Variants in TRAPPC9 observed in about 807,000 individuals in gnomAD.
TRAPPC9 encodes IKK2 binding protein.
Under a neutral mutation model 124.0 loss-of-function variants are expected in TRAPPC9, and 83 were observed. The observed-to-expected ratio is 0.67, with a 90% CI of 0.56 to 0.80. The LOEUF is 0.80. TRAPPC9 is among the 30% of genes least tolerant of loss of function. TRAPPC9 has a pLI of 0.00. For synonymous variants in TRAPPC9, 638 were observed against 617.5 expected (o/e 1.03, Z -0.49); for missense variants, 1,302 against 1,508.3 (o/e 0.86, Z 2.27).
chr8:140,133,618 C>T (rs960551443), intron 17 of TRAPPC9, among the ~76,000 whole-genome samples: 1 of 152,118 alleles, frequency 6.6e-6, no homozygotes, highest in African/African-American at 2.4e-5. Context: ...AGAAGTAAAA[C>T]TCTCTGTATT....
intron 21 of TRAPPC9, among the ~76,000 whole-genome samples, chr8:139,823,615 A>G (rs1825408673): frequency 6.6e-6 from 1 of 152,132 alleles, no homozygotes; most frequent in Admixed American, 6.5e-5. Flanking sequence ...ATGCCCAGGA[A>G]GAGGGATGCA....
chr8:140,014,595 A>AGCT (rs1169726484), intron 18 of TRAPPC9, among the ~76,000 whole-genome samples: 1 of 152,158 alleles, frequency 6.6e-6, no homozygotes, highest in East Asian at 1.9e-4. Context: ...GCAGAGACCA[A>AGCT]GCTGCGGCAG....
chr8:140,033,990 T>C (rs1012203042), intron 17 of TRAPPC9, among the ~76,000 whole-genome samples: 1 of 152,190 alleles, frequency 6.6e-6, no homozygotes, highest in African/African-American at 2.4e-5. Flanking sequence ...CCCATTATGT[T>C]CTCTTATTAA....
chr8:140,254,009 C>G (rs763683864), intron 15 of TRAPPC9, among the ~76,000 whole-genome samples: 15 of 152,170 alleles, frequency 9.9e-5, no homozygotes, highest in Non-Finnish European at 1.9e-4. Flanking sequence ...CCTCAGGCAA[C>G]ACGGGAGGAA....
At chr8:140,338,831 G>A (rs1416756856) in intron 9 of TRAPPC9, among the ~76,000 whole-genome samples, 1 of 49,668 alleles carries the variant, frequency 2.0e-5, no homozygotes, top group South Asian at 7.6e-4. Flanking sequence ...GACAGGAAAC[G>A]GCTCAGAGAA....
intron 10 of TRAPPC9, among the ~76,000 whole-genome samples, chr8:140,305,922 G>T (rs1223100255): frequency 6.6e-6 from 1 of 152,232 alleles, no homozygotes; most frequent in Non-Finnish European, 1.5e-5. Flanking sequence ...CAGAATGCGG[G>T]ATAGGAATAC....
chr8:140,015,475 C>T lies in TRAPPC9; in HGVS notation c.2699+8462G>A, dbSNP rs546670824. Among the ~76,000 whole-genome samples the T allele has an allele frequency of 3.3e-5, 5 of 152,298 alleles. No individual in the cohort carries two copies. The East Asian group carries it at 9.6e-4, about 29-fold the overall frequency. Reference sequence around the variant, plus strand: ...AAAGGCCAAGAGCCGAAAATGCATACTAATTCTGTTGTGTTCCAGGCCTTG... The same window carrying T: ...AAAGGCCAAGAGCCGAAAATGCATATTAATTCTGTTGTGTTCCAGGCCTTG... On this transcript the variant is annotated intron_variant, in intron 18 of 22. Coordinates refer to ENST00000438773, the MANE Select transcript of TRAPPC9 (RefSeq NM_001160372.4).
intron 19 of TRAPPC9, among the ~76,000 whole-genome samples, chr8:139,974,331 G>A (rs1316597636): frequency 6.6e-6 from 1 of 152,188 alleles, no homozygotes; most frequent in African/African-American, 2.4e-5. Context: ...GGAAGGGCAG[G>A]AATTCCTGGA....
At chr8:140,069,563 A>G (rs1843039457) in intron 17 of TRAPPC9, among the ~76,000 whole-genome samples, 1 of 151,876 alleles carries the variant, frequency 6.6e-6, no homozygotes, top group Admixed American at 6.6e-5. Context: ...GTGGCCTGCA[A>G]ATCACATTAA....
intron 13 of TRAPPC9, among the ~76,000 whole-genome samples, chr8:140,284,677 C>T (rs1030088462): frequency 6.6e-6 from 1 of 152,154 alleles, no homozygotes; most frequent in East Asian, 1.9e-4. Context: ...CAAAATTAAA[C>T]AATACCCCAT....
rs181392644 is a variant in TRAPPC9, at chr8:140,149,491, C to T, written c.2556+71968G>A. On this transcript the variant is annotated intron_variant, in intron 17 of 22. Coordinates refer to ENST00000438773, the MANE Select transcript of TRAPPC9 (RefSeq NM_001160372.4). ...AGAAATTAGCCGGGTGTGGTGGCAC[C>T]TGCCTGTAATCTCAGCTACTCAGGA... 3.1e-3 allele frequency among the ~76,000 whole-genome samples: 465 copies of T among 152,010 alleles called. 1 individual carries two copies. The highest frequency in any genetic ancestry group is 0.011 in the African/African-American group (449 of 41,468).
chr8:139,898,797 G>T (rs948929804), intron 20 of TRAPPC9, among the ~76,000 whole-genome samples: 1 of 152,154 alleles, frequency 6.6e-6, no homozygotes, highest in South Asian at 2.1e-4. Flanking sequence ...TTAAAAATCT[G>T]GCTTGAAGAG....
intron 11 of TRAPPC9, among the ~76,000 whole-genome samples, chr8:140,295,115 G>A (rs774053577): frequency 3.3e-5 from 5 of 152,100 alleles, no homozygotes; most frequent in African/African-American, 7.2e-5. Context: ...GTGGACCCAC[G>A]GCACCAGGCA....
chr8:139,797,759 C>A (rs1306719895), intron 21 of TRAPPC9, among the ~76,000 whole-genome samples: 1 of 152,138 alleles, frequency 6.6e-6, no homozygotes, highest in Non-Finnish European at 1.5e-5. Context: ...AAATCTGATT[C>A]TTTCTCTATT....
chr8:139,992,342 T>C (rs1837700247), intron 18 of TRAPPC9, among the ~76,000 whole-genome samples: 1 of 152,140 alleles, frequency 6.6e-6, no homozygotes, highest in South Asian at 2.1e-4. Context: ...ATTTTGTTTT[T>C]AGATTTTGGA....
At chr8:140,412,676 C>G (rs190330576) in intron 5 of TRAPPC9, among the ~76,000 whole-genome samples, 1 of 151,964 alleles carries the variant, frequency 6.6e-6, no homozygotes, top group African/African-American at 2.4e-5. Flanking sequence ...CTGGGAAATA[C>G]GGGTGAAGAG....
At chr8:140,255,002 C>T (rs4736026) in intron 15 of TRAPPC9, among the ~76,000 whole-genome samples, 33,642 of 152,142 alleles carry the variant, frequency 0.22, 4,056 homozygotes, top group African/African-American at 0.31. Context: ...CTCCAGAACA[C>T]GAGGACAAAC....
At chr8:139,900,472 T>C (rs1485971663) in intron 20 of TRAPPC9, among the ~76,000 whole-genome samples, 1 of 152,246 alleles carries the variant, frequency 6.6e-6, no homozygotes, top group Non-Finnish European at 1.5e-5. Flanking sequence ...GGCCTCCCTA[T>C]GTTAAAGAAG....
chr8:140,339,538 T>C (rs1444268508), intron 9 of TRAPPC9, among the ~76,000 whole-genome samples: 1 of 152,172 alleles, frequency 6.6e-6, no homozygotes, highest in Non-Finnish European at 1.5e-5. Flanking sequence ...AGTTCACACG[T>C]GGAAAGGCTA....
Sources: allele counts gnomAD v4.1 joint callset (sites outside exome capture counted in the v4.1 genomes callset), GRCh38; gene constraint gnomAD v4.1.1; transcripts MANE v1.5; gene names NCBI Gene and HGNC (gene_info 2026-07-23, HGNC 2026-07-21).